Variants in PNPLA7 observed in about 807,000 individuals in gnomAD.
PNPLA7 encodes the protein patatin like domain 7, lysophospholipase, also known as patatin-like phospholipase domain-containing protein 7.
A neutral mutation model predicts 161.7 loss-of-function variants in PNPLA7; 153 were observed. That is an observed-to-expected ratio of 0.95 (90% CI 0.83 to 1.08). PNPLA7 has a LOEUF of 1.08. Ranked by LOEUF, PNPLA7 falls within the 50% of genes least tolerant of loss-of-function variation. The pLI is 0.00. For missense variants in PNPLA7, 1,739 were observed against 1,856.6 expected (o/e 0.94, Z 1.16); for synonymous variants, 809 against 782.1 (o/e 1.03, Z -0.57).
chr9:137,481,157 G>A, intron 21 of PNPLA7, 134 bp from the exon 22 acceptor site: 2 of 895,236 alleles, frequency 2.2e-6, no homozygotes, highest in Non-Finnish European at 3.5e-6. Flanking sequence ...GAGGAGGAAG[G>A]CAGTGAGAGT....
rs1835976426 is a variant in PNPLA7 at position 137,537,854 on chromosome 9, A to G, written c.747+2788T>C. Among the ~76,000 whole-genome samples the G allele has an allele frequency of 6.6e-6, 1 of 152,204 alleles. No individual in the cohort carries two copies. Among genetic ancestry groups the G allele is most frequent in the Non-Finnish European group, 1.5e-5 (1 of 68,040 alleles). On this transcript the variant is annotated intron_variant, in intron 8 of 34. Transcript: ENST00000406427. This position sits in a 1 kb window ranked among gnomAD's most constrained non-coding sequence, Gnocchi z 4.5. ...GAAAGAACAAAGAAATAATGGAGAA[A>G]GCCTCTACCCCAGTGAAGCTATTTT... is the stretch of plus-strand genomic sequence containing the variant.
At chr9:137,477,962 C>G (rs1445147932) in intron 25 of PNPLA7, 72 bp downstream of exon 25, 58 of 1,204,238 alleles carry the variant, frequency 4.8e-5, no homozygotes, top group Non-Finnish European at 6.1e-5. Flanking sequence ...CACCCAGCAC[C>G]TCCTAGCACC....
rs535052574 is a variant in PNPLA7 at position 137,506,141 on chromosome 9, G to A, written c.1226-58C>T. On this transcript the variant is annotated intron_variant, in intron 12 of 34. Transcript: ENST00000406427. ...CGCTAGGCCACTGACACAAACGTCC[G>A]CGGTGTGGGCTGAGCACACCCTGCA... 93 of 1,449,102 alleles carry A rather than the reference G, an allele frequency of 6.4e-5. No homozygotes were observed. In the African/African-American group the frequency reaches 9.6e-4, roughly 15 times the overall value. 89.8% of individuals were successfully genotyped at this position (1,449,102 alleles called of 1,614,324 possible). A position where few individuals can be genotyped will look rare whatever the true frequency, so the allele number is the denominator to read the frequency against.
chr9:137,513,925 G>A (rs979107870), intron 12 of PNPLA7, among the ~76,000 whole-genome samples: 3 of 152,388 alleles, frequency 2.0e-5, no homozygotes, highest in Admixed American at 1.3e-4. Context: ...AGGAGCCAAT[G>A]AGCTTGCCGG....
Position 137,547,801 on chromosome 9 carries a change from G to C in PNPLA7, c.31-142C>G, listed in dbSNP as rs1836622348. ...CTGGGAAGAAGTGATCTCGCCCGGG[G>C]TGCCGGGGTCCTCTGAGCCCCCTGC... On this transcript the variant is annotated intron_variant, in intron 1 of 34. Coordinates refer to ENST00000406427, the MANE Select transcript of PNPLA7 (RefSeq NM_001098537.3). The surrounding 1 kb of genome is among the most constrained non-coding windows in gnomAD (Gnocchi z 4.6). The C allele has an allele frequency of 1.3e-6, 1 of 780,736 alleles. No individual in the cohort carries two copies. The highest frequency in any genetic ancestry group is 2.3e-5 in the Admixed American group (1 of 43,314). The allele number at this position is 780,736 out of a possible 1,614,324, so 48.4% of individuals were successfully genotyped here. A position where few individuals can be genotyped will look rare whatever the true frequency, so the allele number is the denominator to read the frequency against.
In PNPLA7 at chr9:137,468,800, A is replaced by C. The variant is rs1831590248; in HGVS notation, c.2883-1327T>G. ...GTTCATTTCACGACATTGTAACAAC[A>C]TTGTATCATTAATTATATTAATATG... is the stretch of plus-strand genomic sequence containing the variant. On this transcript the variant is annotated intron_variant, in intron 25 of 34. Transcript: ENST00000406427. The surrounding 1 kb of genome is among the most constrained non-coding windows in gnomAD (Gnocchi z 4.0). Among the ~76,000 whole-genome samples the C allele has an allele frequency of 6.6e-6, 1 of 152,110 alleles. No individual in the cohort carries two copies. Among genetic ancestry groups the C allele is most frequent in the African/African-American group, 2.4e-5 (1 of 41,418 alleles).
At chr9:137,517,006 CCCCA>C in intron 11 of PNPLA7, among the ~76,000 whole-genome samples, 1 of 116,696 alleles carries the variant, frequency 8.6e-6, no homozygotes, top group Non-Finnish European at 1.8e-5. Flanking sequence ...CCACTCCATC[CCCCA>C]CTCACTCCAC....
Position 137,498,143 on chromosome 9 carries a change from C to T in PNPLA7, c.1860G>A (p.Val620=), listed in dbSNP as rs1264206629. ...ATATTGCTCGCCCGGCCTCCACCTC[C>T]ACCCAGTCCAGGGCAAAGTCGATTT... The part of the protein sequence containing the change: ...VRQIDFALDW[V]EVEAGRAIYR... Residue 620 remains valine (V), a synonymous_variant, in exon 17 of 35, where the codon GTG becomes GTA. Transcript: ENST00000406427. 1.9e-5 allele frequency: 30 copies of T among 1,612,996 alleles called. No individual in the cohort carries two copies. The highest frequency in any genetic ancestry group is 1.9e-5 in the Non-Finnish European group (23 of 1,179,990).
At chr9:137,460,508 C>A (rs1201475061) in intron 34 of PNPLA7, 32 bp from the exon 35 acceptor site, 1 of 1,610,212 alleles carries the variant, frequency 6.2e-7, no homozygotes, top group South Asian at 1.1e-5. Flanking sequence ...CAGGTGAGGA[C>A]CAGGCAGGGC....
Position 137,460,736 on chromosome 9 carries a change from G to A in PNPLA7, c.3843C>T (p.Asp1281=), listed in dbSNP as rs146885482. ...CGTACTCCGTCTGGTAGTCAGATTC[G>A]TCTGGCACCGAGGGTAGGGCTGCGT... The part of the protein sequence containing the change: ...IEPAKPAMVD[D]ESDYQTEYEE... The change falls in exon 34 of 35, where the codon GAC becomes GAT. Residue 1281 remains aspartate, a splice_region_variant and synonymous_variant. Transcript: ENST00000406427. The A allele has an allele frequency of 4.7e-5, 75 of 1,612,142 alleles. No individual in the cohort carries two copies. The African/African-American group carries it at 8.4e-4, about 18-fold the overall frequency.
chr9:137,481,799 G>A (rs1369530852), intron 21 of PNPLA7, among the ~76,000 whole-genome samples: 2 of 152,236 alleles, frequency 1.3e-5, no homozygotes, highest in Non-Finnish European at 2.9e-5. Context: ...AGCTGGGTGT[G>A]GTGGCGGGCG....
At chr9:137,504,201 GAAGAA>G (rs1833789545) in intron 14 of PNPLA7, among the ~76,000 whole-genome samples, 1 of 140,664 alleles carries the variant, frequency 7.1e-6, no homozygotes, top group African/African-American at 2.7e-5. Context: ...AGAAGAGGAA[GAAGAA>G]GAGAGATTTT....
Position 137,480,375 on chromosome 9 carries a change from G to A in PNPLA7, c.2517C>T (p.Cys839=), listed in dbSNP as rs146395931. The A allele has an allele frequency of 3.8e-5, 61 of 1,613,456 alleles. No individual in the cohort carries two copies. The African/African-American group carries it at 7.1e-4, about 19-fold the overall frequency. Reference sequence around the variant, plus strand: ...TGAGGATGCAGTCGGCCTGGCGCACGCAGCGCTGGGTCCAGGGTGTGAGCG... The same window carrying A: ...TGAGGATGCAGTCGGCCTGGCGCACACAGCGCTGGGTCCAGGGTGTGAGCG... The part of the protein sequence containing the change: ...DGTLTPWTQR[C]VRQADCILIV... Residue 839 remains cysteine (C), a synonymous_variant, in exon 23 of 35, where the codon TGC becomes TGT. Transcript: ENST00000406427.
Position 137,523,831 on chromosome 9 carries a change from T to C in PNPLA7, c.748-974A>G, listed in dbSNP as rs552377422. On this transcript the variant is annotated intron_variant, in intron 8 of 34. Transcript: ENST00000406427. This position sits in a 1 kb window ranked among gnomAD's most constrained non-coding sequence, Gnocchi z 4.4. ...ATTTTTAGTAGAGACAGGGTTTCAC[T>C]GTGTTAGCCAGGAGGGTCTCGATCT... 3.3e-4 allele frequency among the ~76,000 whole-genome samples: 50 copies of C among 152,024 alleles called. No individual in the cohort carries two copies. Among genetic ancestry groups the C allele is most frequent in the Admixed American group, 1.1e-3 (17 of 15,262 alleles).
chr9:137,494,822 C>T (rs557412192), intron 19 of PNPLA7, among the ~76,000 whole-genome samples: 37 of 146,562 alleles, frequency 2.5e-4, no homozygotes, highest in African/African-American at 8.9e-4. Flanking sequence ...TCACCTGCTC[C>T]GTGACCTCAT....
At position 137,524,373 on chromosome 9, in the gene PNPLA7, C is replaced by T. The variant is rs183755362; in HGVS notation, c.748-1516G>A. ...CCCACGGTGGCGCGTCTGCCAGAGGCCTGTGCCTTGGCTCCTGAGTGCTGG... is the reference window on the plus strand; with the variant it reads ...CCCACGGTGGCGCGTCTGCCAGAGGTCTGTGCCTTGGCTCCTGAGTGCTGG... On this transcript the variant is annotated intron_variant, in intron 8 of 34. Transcript: ENST00000406427. The surrounding 1 kb of genome is among the most constrained non-coding windows in gnomAD (Gnocchi z 4.4). 3.3e-5 allele frequency among the ~76,000 whole-genome samples: 5 copies of T among 151,668 alleles called. No homozygotes were observed. In the East Asian group the frequency reaches 9.7e-4, roughly 29 times the overall value.
intron 12 of PNPLA7, among the ~76,000 whole-genome samples, chr9:137,510,286 G>GGA (rs1244337393): frequency 1.3e-5 from 2 of 152,062 alleles, no homozygotes; most frequent in African/African-American, 4.8e-5. Context: ...ACAGTTATCC[G>GGA]GAGGCCTAAC....
chr9:137,480,706 T>C, intron 22 of PNPLA7: 1 of 720,878 alleles, frequency 1.4e-6, no homozygotes, highest in Non-Finnish European at 2.2e-6. Flanking sequence ...AGGGGCAGGC[T>C]GGGGAGAGTG....
chr9:137,492,438 G>T, intron 20 of PNPLA7: 1 of 432,586 alleles, frequency 2.3e-6, no homozygotes. Flanking sequence ...TACTGGGCTC[G>T]GGTGGGCGGG....
Sources: allele counts gnomAD v4.1 joint callset (sites outside exome capture counted in the v4.1 genomes callset), GRCh38; gene constraint gnomAD v4.1.1; non-coding constraint Gnocchi (gnomAD v3.1); transcripts MANE v1.5; gene names NCBI Gene and HGNC (gene_info 2026-07-23, HGNC 2026-07-21).